Variants in RASEF observed in about 807,000 individuals in gnomAD.
The protein encoded by RASEF is RAS and EF-hand domain containing, also known as ras and EF-hand domain-containing protein.
In RASEF, 68 loss-of-function variants were observed where a neutral mutation model predicts 90.1. The ratio of observed to expected loss-of-function variants is 0.75; its 90% CI spans 0.62 to 0.92. RASEF has a LOEUF of 0.92. Among genes scored for constraint, RASEF ranks in the 40% least tolerant of loss-of-function variants. RASEF has a pLI of 0.00. For synonymous variants in RASEF, 331 were observed against 345.2 expected (o/e 0.96, Z 0.46); for missense variants, 949 against 937.2 (o/e 1.01, Z -0.16).
the RASEF span, among the ~76,000 whole-genome samples, chr9:83,158,982 C>T: frequency 6.6e-6 from 1 of 151,422 alleles, no homozygotes; most frequent in African/African-American, 2.4e-5. Context: ...GTCAGGAGAT[C>T]GAGACCATCC....
chr9:83,048,851 GT>G (rs1255444080), intron 1 of RASEF: 6 of 763,606 alleles, frequency 7.9e-6, no homozygotes, highest in Non-Finnish European at 9.6e-6. Flanking sequence ...CTGTGAGGCT[GT>G]GTGCAGTGGC....
Position 83,055,499 on chromosome 9 carries a change from C to T in RASEF, c.431+6938G>A, listed in dbSNP as rs1033998194. 3.5e-5 allele frequency: 24 copies of T among 686,744 alleles called. 2 individuals are homozygous for T. The highest frequency in any genetic ancestry group is 2.9e-4 in the African/African-American group (15 of 52,418). 42.5% of individuals were successfully genotyped at this position (686,744 alleles called of 1,614,324 possible). A position where few individuals can be genotyped will look rare whatever the true frequency, so the allele number is the denominator to read the frequency against. On this transcript the variant is annotated intron_variant, in intron 1 of 16. Coordinates refer to ENST00000376447, the MANE Select transcript of RASEF (RefSeq NM_152573.4). ...CTCAGATGGAAATGCAGAAATCACC[C>T]GTCTTCTGCGTCGCTCACGCTGGGA...
the RASEF span, among the ~76,000 whole-genome samples, chr9:83,119,478 T>C: frequency 6.6e-6 from 1 of 152,210 alleles, no homozygotes; most frequent in Non-Finnish European, 1.5e-5. Context: ...ATGGTTATCC[T>C]ACATGATGGC....
At chr9:83,147,048 A>G in the RASEF span, among the ~76,000 whole-genome samples, 1 of 149,136 alleles carries the variant, frequency 6.7e-6, no homozygotes, top group South Asian at 2.1e-4. Flanking sequence ...ATGTATATAT[A>G]TATATATATA....
At chr9:83,062,304 A>T in intron 1 of RASEF, 133 bp downstream of exon 1, 2 of 810,068 alleles carry the variant, frequency 2.5e-6, no homozygotes, top group Non-Finnish European at 3.9e-6. Context: ...CAAAGCGAGT[A>T]GGTGAAGGAA....
At position 82,997,108 on chromosome 9, in the gene RASEF, C is replaced by G; in HGVS notation, c.1824G>C (p.Lys608Asn). Residue 608 changes from lysine to asparagine, a missense_variant, in exon 14 of 17, where the codon AAG becomes AAC. Physicochemically the swap from Lys to Asn is moderately conservative, Grantham distance 94. Around this residue, in one of 3 missense-constraint regions of RASEF, gnomAD observed 288 missense variants for 328.4 expected, o/e 0.88. Coordinates refer to ENST00000376447, the MANE Select transcript of RASEF (RefSeq NM_152573.4). ...CACCATCTGCCTTTCTGAAGTAAGACTTGGCAATACTTCTGAATCTGAGAA... is the reference window on the plus strand; with the variant it reads ...CACCATCTGCCTTTCTGAAGTAAGAGTTGGCAATACTTCTGAATCTGAGAA... ...AGQERFRSIA[K>N]SYFRKADGVL... is the part of the protein sequence containing the mutation. 1 of 1,608,138 alleles carries G rather than the reference C, an allele frequency of 6.2e-7. No homozygotes were observed. The highest frequency in any genetic ancestry group is 8.5e-7 in the Non-Finnish European group (1 of 1,174,636).
At chr9:83,171,721 CT>C in the RASEF span, among the ~76,000 whole-genome samples, 1 of 151,714 alleles carries the variant, frequency 6.6e-6, no homozygotes, top group Non-Finnish European at 1.5e-5. Flanking sequence ...CATATAGTTG[CT>C]CATAATAATC....
the RASEF span, among the ~76,000 whole-genome samples, chr9:83,184,987 G>C: frequency 6.6e-6 from 1 of 152,194 alleles, no homozygotes; most frequent in Non-Finnish European, 1.5e-5. Context: ...CTCTGCCCCA[G>C]ACCCAGGGAA....
At chr9:83,155,632 T>A in the RASEF span, among the ~76,000 whole-genome samples, 1 of 151,824 alleles carries the variant, frequency 6.6e-6, no homozygotes, top group East Asian at 1.9e-4. Context: ...CCAAACCATA[T>A]CATTGGGTTC....
the RASEF span, among the ~76,000 whole-genome samples, chr9:83,189,085 A>G: frequency 6.6e-6 from 1 of 152,212 alleles, no homozygotes; most frequent in Non-Finnish European, 1.5e-5. Context: ...TGCGTCCCCA[A>G]CCAAATCTCA....
chr9:83,040,861 TTA>T (rs948754509), intron 1 of RASEF, among the ~76,000 whole-genome samples: 1 of 152,132 alleles, frequency 6.6e-6, no homozygotes, highest in Non-Finnish European at 1.5e-5. Context: ...TTATTTTATT[TTA>T]TATATATATT....
intron 3 of RASEF, among the ~76,000 whole-genome samples, chr9:83,020,401 A>G (rs150430281): frequency 7.2e-5 from 11 of 152,318 alleles, no homozygotes; most frequent in African/African-American, 2.6e-4. Flanking sequence ...ATGGAAGGAA[A>G]TGAGGGAAAA....
Position 83,009,710 on chromosome 9 carries a change from A to T in RASEF, c.890T>A (p.Ile297Lys), listed in dbSNP as rs765702706. 6.2e-7 allele frequency: 1 copy of T among 1,613,648 alleles called. No individual in the cohort carries two copies. Among genetic ancestry groups the T allele is most frequent in the South Asian group, 1.1e-5 (1 of 91,078 alleles). Reference sequence around the variant, plus strand: ...ATCTAACTCACTCTGAAGAAAGGCTATGTTTGTCTGTGCTTCTAAAAGGTC... The same window carrying T: ...ATCTAACTCACTCTGAAGAAAGGCTTTGTTTGTCTGTGCTTCTAAAAGGTC... ...KKDLLEAQTN[I>K]AFLQSELDAL... Residue 297 changes from isoleucine to lysine, a missense_variant, in exon 6 of 17, where the codon ATA (isoleucine) becomes AAA (lysine). Physicochemically the swap from Ile to Lys is moderately radical, Grantham distance 102. Transcript: ENST00000376447.
At chr9:83,166,974 G>A in the RASEF span, among the ~76,000 whole-genome samples, 21 of 152,286 alleles carry the variant, frequency 1.4e-4, no homozygotes, top group African/African-American at 4.8e-4. Context: ...AAAAGCAATA[G>A]GGCCTGGTTC....
the RASEF span, among the ~76,000 whole-genome samples, chr9:83,139,961 C>A: frequency 6.6e-6 from 1 of 152,004 alleles, no homozygotes; most frequent in Non-Finnish European, 1.5e-5. Context: ...GCGGTGGAAA[C>A]TAAGGCTATA....
chr9:83,033,490 G>A lies in RASEF; in HGVS notation c.432-7569C>T, dbSNP rs575985247. ...ACAGGCATCAATAGCCACAGGCTGT[G>A]CACAGCGTCAGGCAGGAGAGCTGGA... On this transcript the variant is annotated intron_variant, in intron 1 of 16. Transcript: ENST00000376447. Among the ~76,000 whole-genome samples the A allele has an allele frequency of 6.6e-5, 10 of 152,322 alleles. No homozygotes were observed. In the East Asian group the frequency reaches 1.7e-3, roughly 26 times the overall value.
chr9:83,171,998 G>T, the RASEF span, among the ~76,000 whole-genome samples: 2 of 151,806 alleles, frequency 1.3e-5, no homozygotes, highest in African/African-American at 4.8e-5. Context: ...GAGGTGTATC[G>T]TTAGGTTGTT....
chr9:83,217,815 T>C, the RASEF span, among the ~76,000 whole-genome samples: 1 of 152,312 alleles, frequency 6.6e-6, no homozygotes, highest in East Asian at 1.9e-4. Flanking sequence ...GAAGTGGGTC[T>C]TAAACTTTTC....
At chr9:83,008,922 A>ATATATATATATATG (rs1311437155) in intron 6 of RASEF, among the ~76,000 whole-genome samples, 1 of 128,732 alleles carries the variant, frequency 7.8e-6, no homozygotes, top group Non-Finnish European at 1.7e-5. Context: ...ATATATATAT[A>ATATATATATATATG]TATATATATA....
Sources: allele counts gnomAD v4.1 joint callset (sites outside exome capture counted in the v4.1 genomes callset), GRCh38; gene constraint gnomAD v4.1.1; regional missense constraint gnomAD v4.1.1; transcripts MANE v1.5; gene names NCBI Gene and HGNC (gene_info 2026-07-23, HGNC 2026-07-21).